Variants in PRMT7 observed in about 807,000 individuals in gnomAD.
The protein encoded by PRMT7 is protein arginine N-methyltransferase 7.
A neutral mutation model predicts 85.4 loss-of-function variants in PRMT7; 75 were observed. The ratio of observed to expected loss-of-function variants is 0.88; its 90% CI spans 0.73 to 1.06. The LOEUF is 1.06. PRMT7 is among the 50% of genes least tolerant of loss of function. The pLI is 0.00. For missense variants in PRMT7, 868 were observed against 915.2 expected (o/e 0.95, Z 0.67); for synonymous variants, 397 against 359.5 (o/e 1.10, Z -1.18).
intron 3 of PRMT7, among the ~76,000 whole-genome samples, chr16:68,317,617 C>T (rs1023287879): frequency 1.3e-5 from 2 of 152,102 alleles, no homozygotes; most frequent in East Asian, 1.9e-4. Context: ...CACCTGAGGT[C>T]GGGAGTTCGA....
rs193087749 is a variant in PRMT7, at chr16:68,328,935, C to T, written c.283-131C>T. The T allele has an allele frequency of 1.1e-5, 7 of 612,844 alleles. No homozygotes were observed. In the East Asian group the frequency reaches 2.1e-4, roughly 18 times the overall value. The allele number at this position is 612,844 out of a possible 1,614,324, so 38.0% of individuals were successfully genotyped here. A position where few individuals can be genotyped will look rare whatever the true frequency, so the allele number is the denominator to read the frequency against. The stretch of plus-strand genomic sequence containing the variant: ...AATCTCAGCCCTTTTTCATGATGCA[C>T]ATTTGGAGAATAAAGTATTTAAGTT... On this transcript the variant is annotated intron_variant, in intron 5 of 18. Transcript: ENST00000441236.
chr16:68,328,334 C>T (rs1293093811), intron 5 of PRMT7: 1 of 153,482 alleles, frequency 6.5e-6, no homozygotes, highest in Non-Finnish European at 1.5e-5. Flanking sequence ...TGAGCCATAA[C>T]AGTGTGGGGG....
chr16:68,340,410 C>G (rs1597365541), intron 9 of PRMT7, among the ~76,000 whole-genome samples: 2 of 152,236 alleles, frequency 1.3e-5, no homozygotes, highest in East Asian at 1.9e-4. Flanking sequence ...TAGTTGCCCA[C>G]TGTCCCTCAT....
chr16:68,332,137 T>A (rs1172396235), intron 6 of PRMT7, among the ~76,000 whole-genome samples: 2 of 152,228 alleles, frequency 1.3e-5, no homozygotes, highest in Non-Finnish European at 2.9e-5. Context: ...TAAGCTTTCT[T>A]TGGAGTGGGG....
At chr16:68,356,644 T>C (rs1046163402) in intron 17 of PRMT7, 57 bp from the exon 18 acceptor site, 2 of 1,361,068 alleles carry the variant, frequency 1.5e-6, no homozygotes, top group East Asian at 4.9e-5. Context: ...GAGCTGCAGC[T>C]GTTCCCCCGC....
At chr16:68,337,432 C>T (rs753307487) in intron 6 of PRMT7, 27 bp from the exon 7 acceptor site, 1 of 1,526,148 alleles carries the variant, frequency 6.6e-7, no homozygotes, top group African/African-American at 1.4e-5. Context: ...TTGCTTATGT[C>T]CAACTCTGTT....
chr16:68,342,254 G>A (rs1363963149), intron 9 of PRMT7, among the ~76,000 whole-genome samples: 1 of 152,068 alleles, frequency 6.6e-6, no homozygotes, highest in Non-Finnish European at 1.5e-5. Context: ...CTCAAACCTG[G>A]GTGGCAGAGC....
intron 7 of PRMT7, 63 bp from the exon 8 acceptor site, chr16:68,339,259 T>C (rs1274441753): frequency 9.4e-6 from 15 of 1,598,208 alleles, no homozygotes; most frequent in Non-Finnish European, 1.3e-5. Context: ...TTTTGATCAA[T>C]GGGAATTACT....
intron 3 of PRMT7, 131 bp downstream of exon 3, chr16:68,316,205 G>A (rs1241456656): frequency 1.3e-6 from 1 of 768,978 alleles, no homozygotes; most frequent in East Asian, 2.6e-5. Flanking sequence ...TGTTGGTCCT[G>A]AGCAGGTCTG....
chr16:68,334,418 A>G (rs2084359144), intron 6 of PRMT7, among the ~76,000 whole-genome samples: 1 of 152,016 alleles, frequency 6.6e-6, no homozygotes, highest in South Asian at 2.1e-4. Context: ...TACTTCTGCC[A>G]TTCCTTCCTT....
chr16:68,358,782 C>A (rs2089015479), downstream of PRMT7: 1 of 152,476 alleles, frequency 6.6e-6, no homozygotes, highest in East Asian at 1.9e-4. Context: ...CGTGTGCCCA[C>A]CCCTGCTAGG....
rs890978481 is a variant in PRMT7, at chr16:68,321,330, G to A, written c.96-96G>A. On this transcript the variant is annotated intron_variant, in intron 3 of 18. Coordinates refer to ENST00000441236, the MANE Select transcript of PRMT7 (RefSeq NM_019023.5). ...AAAAATAGTTTAAAATAGATGACAC[G>A]TTTGTTCTATCTGTTTAGCAATGTG... 2.4e-5 allele frequency: 22 copies of A among 929,202 alleles called. No homozygotes were observed. The East Asian group carries it at 2.7e-4, about 11-fold the overall frequency. 57.6% of individuals were successfully genotyped at this position (929,202 alleles called of 1,614,324 possible).
chr16:68,334,841 A>G (rs540906905), intron 6 of PRMT7, among the ~76,000 whole-genome samples: 1 of 152,178 alleles, frequency 6.6e-6, no homozygotes, highest in African/African-American at 2.4e-5. Flanking sequence ...GTATCACCCA[A>G]GATGGAGTAT....
chr16:68,327,204 G>A (rs1050814205), intron 5 of PRMT7, among the ~76,000 whole-genome samples: 2 of 152,056 alleles, frequency 1.3e-5, no homozygotes, highest in African/African-American at 4.8e-5. Context: ...AGAAAATGTG[G>A]GAAATACAGA....
rs756000988 is a variant in PRMT7 at position 68,356,687 on chromosome 16, C to A, written c.1812-14C>A. On this transcript the variant is annotated splice_polypyrimidine_tract_variant and intron_variant, in intron 17 of 18. Transcript: ENST00000441236. ...TGTGTGACTACTTCTGCTGGGCCCC[C>A]CTCTCCTTGACAGGCCCGGGCAGAG... 2 of 1,606,250 alleles carry A rather than the reference C, an allele frequency of 1.2e-6. No homozygotes were observed. The highest frequency in any genetic ancestry group is 1.1e-5 in the South Asian group (1 of 90,008).
chr16:68,353,392 C>CAGGTGTGCAGGGAACAGCA, intron 15 of PRMT7, 100 bp from the exon 16 acceptor site: 1 of 1,576,552 alleles, frequency 6.3e-7, no homozygotes. Flanking sequence ...GGGTCTCTTT[C>CAGGTGTGCAGGGAACAGCA]AGGTGTGCAG....
intron 18 of PRMT7, 28 bp from the exon 19 acceptor site, chr16:68,357,026 C>A: frequency 6.3e-7 from 1 of 1,580,100 alleles, no homozygotes. Context: ...AGGGAGCCCT[C>A]ACCATCTTCC....
chr16:68,342,592 A>G (rs1409697218), intron 9 of PRMT7, among the ~76,000 whole-genome samples: 2 of 152,304 alleles, frequency 1.3e-5, no homozygotes, highest in East Asian at 3.9e-4. Flanking sequence ...CCACAACATT[A>G]TGGAAGGCCT....
At chr16:68,331,929 GGTTT>G (rs2083967524) in intron 6 of PRMT7, among the ~76,000 whole-genome samples, 1 of 151,742 alleles carries the variant, frequency 6.6e-6, no homozygotes, top group South Asian at 2.1e-4. Flanking sequence ...GTTTTTTCTG[GGTTT>G]GTTCTCTTGA....
Sources: gnomAD v4.1 joint callset for allele counts (sites outside exome capture counted in the v4.1 genomes callset) on GRCh38, gnomAD v4.1.1 for gene constraint, MANE v1.5 for transcripts, NCBI Gene and HGNC (gene_info 2026-07-23, HGNC 2026-07-21) for gene names.